The following SLC25A16 variants were observed in gnomAD, a reference collection of about 807,000 sequenced individuals.
SLC25A16 encodes solute carrier family 25 member 16.
Under a neutral mutation model 41.5 loss-of-function variants are expected in SLC25A16, and 39 were observed. The observed-to-expected ratio is 0.94, with a 90% CI of 0.73 to 1.23. The LOEUF (loss-of-function observed/expected upper bound fraction) is 1.23. SLC25A16 is among the 50% of genes most tolerant of loss of function. SLC25A16 has a pLI of 0.00. For missense variants in SLC25A16, 421 were observed against 426.9 expected (o/e 0.99, Z 0.12); for synonymous variants, 146 against 147.8 (o/e 0.99, Z 0.09).
chr10:68,493,286 AATT>A, intron 5 of SLC25A16, 88 bp from the exon 6 acceptor site: 2 of 1,164,948 alleles, frequency 1.7e-6, no homozygotes, highest in South Asian at 1.4e-5. Flanking sequence ...ATAACAGAAA[AATT>A]ATTCAGGGAT....
Position 68,522,597 on chromosome 10 carries a change from C to T in SLC25A16, c.130+4649G>A, listed in dbSNP as rs1008652760. On this transcript the variant is annotated intron_variant, in intron 1 of 8. Coordinates refer to ENST00000609923, the MANE Select transcript of SLC25A16 (RefSeq NM_152707.4). ...TTCGGAGGCCGAGGCAGGCGGATCA[C>T]GAGGTCAGGAGATCAAGACCATCCT... 3.9e-5 allele frequency among the ~76,000 whole-genome samples: 6 copies of T among 152,084 alleles called. No individual in the cohort carries two copies. The East Asian group carries it at 7.7e-4, about 20-fold the overall frequency.
At chr10:68,507,096 C>CA (rs947031945) in intron 2 of SLC25A16, among the ~76,000 whole-genome samples, 26 of 98,856 alleles carry the variant, frequency 2.6e-4, no homozygotes, top group Admixed American at 1.0e-3. Flanking sequence ...TTTTTTGAGA[C>CA]AGTTTTACTC....
At chr10:68,503,563 C>A in intron 4 of SLC25A16, 69 bp downstream of exon 4, 1 of 1,093,186 alleles carries the variant, frequency 9.1e-7, no homozygotes, top group Non-Finnish European at 1.3e-6. Flanking sequence ...CTCATATAAT[C>A]TAAACCAAAT....
chr10:68,504,771 C>A (rs1022902106), intron 3 of SLC25A16, among the ~76,000 whole-genome samples: 1 of 152,058 alleles, frequency 6.6e-6, no homozygotes, highest in Non-Finnish European at 1.5e-5. Context: ...ACCTCCGTAT[C>A]CCGGGTTCAA....
At chr10:68,501,017 C>T (rs781008514) in intron 4 of SLC25A16, among the ~76,000 whole-genome samples, 11 of 151,376 alleles carry the variant, frequency 7.3e-5, no homozygotes, top group South Asian at 2.1e-4. Flanking sequence ...TTTGGAGGGC[C>T]GAGGTGGGCG....
At chr10:68,512,630 C>A (rs1163076620) in intron 2 of SLC25A16, among the ~76,000 whole-genome samples, 3 of 68,230 alleles carry the variant, frequency 4.4e-5, no homozygotes, top group Non-Finnish European at 5.0e-5. Context: ...CAGAGCGAGA[C>A]TCCGTCTCAA....
intron 8 of SLC25A16, among the ~76,000 whole-genome samples, chr10:68,486,275 T>A (rs1428718828): frequency 2.0e-5 from 3 of 151,286 alleles, no homozygotes; most frequent in Admixed American, 1.3e-4. Context: ...TATTTTTTTT[T>A]ATAGAGACAA....
At chr10:68,508,487 G>A (rs2052997969) in intron 2 of SLC25A16, among the ~76,000 whole-genome samples, 1 of 151,780 alleles carries the variant, frequency 6.6e-6, no homozygotes, top group Admixed American at 6.6e-5. Flanking sequence ...GCCGAGGAGG[G>A]TGGATCACCT....
chr10:68,516,850 A>T lies in SLC25A16; in HGVS notation c.131-7T>A. On this transcript the variant is annotated splice_polypyrimidine_tract_variant and splice_region_variant and intron_variant, in intron 1 of 8. Coordinates refer to ENST00000609923, the MANE Select transcript of SLC25A16 (RefSeq NM_152707.4). ...GCACAGCATCCAGCAATACCTAAAA[A>T]TTTTTCAAAAGGTCAGGAAGAAATT... 1.9e-6 allele frequency: 3 copies of T among 1,606,450 alleles called. No individual in the cohort carries two copies. Among genetic ancestry groups the T allele is most frequent in the Non-Finnish European group, 2.6e-6 (3 of 1,175,048 alleles).
At chr10:68,489,232 G>A (rs1401039458) in intron 6 of SLC25A16, among the ~76,000 whole-genome samples, 1 of 152,154 alleles carries the variant, frequency 6.6e-6, no homozygotes, top group East Asian at 1.9e-4. Flanking sequence ...TCACGCCATT[G>A]CACTCCAGCC....
intron 7 of SLC25A16, 64 bp from the exon 8 acceptor site, chr10:68,487,276 T>C: frequency 1.8e-6 from 2 of 1,109,452 alleles, no homozygotes. Context: ...AACTATTGAA[T>C]ACAAAGCCCT....
intron 2 of SLC25A16, among the ~76,000 whole-genome samples, chr10:68,511,376 C>T (rs191596578): frequency 7.8e-4 from 119 of 152,294 alleles, no homozygotes; most frequent in Non-Finnish European, 1.4e-3. Flanking sequence ...GAATTCTACT[C>T]CAAATTTTAT....
chr10:68,503,523 C>A, intron 4 of SLC25A16, 109 bp downstream of exon 4: 1 of 623,112 alleles, frequency 1.6e-6, no homozygotes, highest in Non-Finnish European at 2.7e-6. Flanking sequence ...AGTCACAGGA[C>A]ACCTGCAACC....
At position 68,485,492 on chromosome 10, in the gene SLC25A16, C is replaced by A. The variant is rs911509212; in HGVS notation, c.842+1652G>T. ...CTCCGCCTCCCAGGTTCAAGCAATT[C>A]CCTGCCTCAGCCTCCTGAGTAGCTG... On this transcript the variant is annotated intron_variant, in intron 8 of 8. Coordinates refer to ENST00000609923, the MANE Select transcript of SLC25A16 (RefSeq NM_152707.4). Among the ~76,000 whole-genome samples, 3 of 151,880 alleles carry A rather than the reference C, an allele frequency of 2.0e-5. No homozygotes were observed. The East Asian group carries it at 5.8e-4, about 29-fold the overall frequency.
intron 4 of SLC25A16, among the ~76,000 whole-genome samples, chr10:68,495,465 C>T (rs2052734563): frequency 6.6e-6 from 1 of 151,436 alleles, no homozygotes; most frequent in Non-Finnish European, 1.5e-5. Context: ...TCAAAATTGA[C>T]CAAAATGGTC....
Position 68,483,332 on chromosome 10 carries a change from G to A in SLC25A16, c.*100C>T, listed in dbSNP as rs2052507306. ...AAAATACCAGTGGCTCTTGTGACAG[G>A]GTAAATATCCCCATTCAAGTAATGT... is the stretch of plus-strand genomic sequence containing the variant. On this transcript the variant is annotated 3_prime_UTR_variant, in exon 9 of 9. Transcript: ENST00000609923. 5.3e-6 allele frequency: 4 copies of A among 756,296 alleles called. No individual in the cohort carries two copies. Among genetic ancestry groups the A allele is most frequent in the Admixed American group, 2.9e-5 (1 of 34,664 alleles). 46.8% of individuals were successfully genotyped at this position (756,296 alleles called of 1,614,324 possible). A position where few individuals can be genotyped will look rare whatever the true frequency, so the allele number is the denominator to read the frequency against.
At chr10:68,504,248 C>CTCAGG (rs1360476967) in intron 3 of SLC25A16, among the ~76,000 whole-genome samples, 1 of 151,734 alleles carries the variant, frequency 6.6e-6, no homozygotes, top group Non-Finnish European at 1.5e-5. Context: ...AACTCCTGAC[C>CTCAGG]TCAGGTGATC....
At chr10:68,501,077 C>A (rs1263932426) in intron 4 of SLC25A16, among the ~76,000 whole-genome samples, 1 of 151,760 alleles carries the variant, frequency 6.6e-6, no homozygotes. Flanking sequence ...CATGGTGAAA[C>A]CCCGTCTCTA....
intron 1 of SLC25A16, among the ~76,000 whole-genome samples, chr10:68,520,570 G>A (rs1487077683): frequency 2.0e-5 from 3 of 151,976 alleles, no homozygotes; most frequent in Non-Finnish European, 4.4e-5. Flanking sequence ...CCAGCACTTT[G>A]GAAGTCCGAG....
Sources: allele counts gnomAD v4.1 joint callset (sites outside exome capture counted in the v4.1 genomes callset), GRCh38; gene constraint gnomAD v4.1.1; transcripts MANE v1.5; gene names NCBI Gene and HGNC (gene_info 2026-07-23, HGNC 2026-07-21).